The following POGLUT3 variants were observed in gnomAD, a reference collection of about 807,000 sequenced individuals.
The protein encoded by POGLUT3 is KDEL (Lys-Asp-Glu-Leu) containing 2.
In POGLUT3, 48 loss-of-function variants were observed where a neutral mutation model predicts 54.3. The observed-to-expected ratio is 0.88, with a 90% CI of 0.70 to 1.12. The LOEUF (loss-of-function observed/expected upper bound fraction) is 1.12. Ranked by LOEUF, POGLUT3 falls within the 50% of genes most tolerant of loss-of-function variation. POGLUT3 has a pLI of 0.00. For missense variants in POGLUT3, 629 were observed against 618.7 expected (o/e 1.02, Z -0.18); for synonymous variants, 218 against 237.4 (o/e 0.92, Z 0.75).
chr11:108,484,703 C>T (rs936938124), intron 3 of POGLUT3, among the ~76,000 whole-genome samples: 6 of 152,140 alleles, frequency 3.9e-5, no homozygotes, highest in African/African-American at 9.7e-5. Context: ...TTGCAGTGAG[C>T]CGAGATCGTG....
intron 4 of POGLUT3, 122 bp from the exon 5 acceptor site, chr11:108,481,498 T>C: frequency 1.4e-6 from 1 of 738,210 alleles, no homozygotes; most frequent in Non-Finnish European, 2.0e-6. Flanking sequence ...TCAACTCATC[T>C]TCTAAAGTAG....
At chr11:108,487,375 T>C (rs1208933464) in intron 2 of POGLUT3, among the ~76,000 whole-genome samples, 1 of 152,182 alleles carries the variant, frequency 6.6e-6, no homozygotes, top group Non-Finnish European at 1.5e-5. Context: ...GGTTGTGTCA[T>C]GGGCCATTGG....
chr11:108,482,234 T>C lies in POGLUT3; in HGVS notation c.685-12A>G, dbSNP rs748804843. The C allele has an allele frequency of 2.0e-5, 32 of 1,585,122 alleles. No individual in the cohort carries two copies. The East Asian group carries it at 6.3e-4, about 31-fold the overall frequency. ...TCTGGGAGAAGGACCTAAATAAACA[T>C]ATAAACAAACATCAGTGCTGGGAAG... On this transcript the variant is annotated splice_polypyrimidine_tract_variant and intron_variant, in intron 3 of 7. Coordinates refer to ENST00000323468, the MANE Select transcript of POGLUT3 (RefSeq NM_153705.5).
intron 5 of POGLUT3, 47 bp downstream of exon 5, chr11:108,481,133 T>C (rs1591640531): frequency 6.9e-7 from 1 of 1,458,982 alleles, no homozygotes. Flanking sequence ...AGACTTTTAA[T>C]ACAATTTTAT....
Position 108,498,261 on chromosome 11 carries a change from C to T in POGLUT3, c.106G>A (p.Gly36Arg). ...LVSAPRSLVW[G>R]PGLQAAVVLP... ...ACGACGGCCGCCTGCAGCCCGGGCC[C>T]CCACACCAGGCTCCGCGGCGCGCTG... Residue 36 changes from glycine to arginine, a missense_variant, in exon 1 of 8, where the codon GGG becomes AGG. Transcript: ENST00000323468. 5 of 1,500,000 alleles carry T rather than the reference C, an allele frequency of 3.3e-6. No homozygotes were observed. The highest frequency in any genetic ancestry group is 4.4e-6 in the Non-Finnish European group (5 of 1,125,108). 92.9% of individuals were successfully genotyped at this position (1,500,000 alleles called of 1,614,324 possible). A position where few individuals can be genotyped will look rare whatever the true frequency, so the allele number is the denominator to read the frequency against.
intron 3 of POGLUT3, among the ~76,000 whole-genome samples, chr11:108,484,440 T>C (rs1437871294): frequency 6.6e-6 from 1 of 152,100 alleles, no homozygotes; most frequent in Non-Finnish European, 1.5e-5. Flanking sequence ...GGGAATTGTA[T>C]AACATATCAG....
intron 4 of POGLUT3, among the ~76,000 whole-genome samples, chr11:108,481,657 G>A (rs963711420): frequency 2.6e-5 from 4 of 152,144 alleles, no homozygotes; most frequent in African/African-American, 4.8e-5. Context: ...GAAAGCTCAC[G>A]CAAGTATTCG....
chr11:108,498,342 G>T lies in POGLUT3; in HGVS notation c.25C>A (p.Leu9Met), dbSNP rs769566492. The T allele has an allele frequency of 2.2e-6, 3 of 1,349,218 alleles. No homozygotes were observed. Among genetic ancestry groups the T allele is most frequent in the Non-Finnish European group, 2.8e-6 (3 of 1,053,142 alleles). The allele number at this position is 1,349,218 out of a possible 1,614,324, so 83.6% of individuals were successfully genotyped here. Reference protein sequence around the residue: MRRLPRALLLQLRLALLVA... With the variant: MRRLPRALMLQLRLALLVA... ...AGCAGGGCGAGGCGCAGCTGCAGCAGCAGGGCCCGCGGGAGGCGGCGCATG... is the reference window on the plus strand; with the variant it reads ...AGCAGGGCGAGGCGCAGCTGCAGCATCAGGGCCCGCGGGAGGCGGCGCATG... The change falls in exon 1 of 8, where the codon CTG (leucine) becomes ATG (methionine). Residue 9 changes from leucine (L) to methionine (M), a missense_variant. Physicochemically the swap from Leu to Met is conservative, Grantham distance 15. Coordinates refer to ENST00000323468, the MANE Select transcript of POGLUT3 (RefSeq NM_153705.5).
chr11:108,496,682 C>T (rs1040836155), intron 1 of POGLUT3, among the ~76,000 whole-genome samples: 10 of 152,184 alleles, frequency 6.6e-5, no homozygotes, highest in Admixed American at 2.6e-4. Context: ...CAAAGCAATG[C>T]CCAAAGACAA....
chr11:108,477,946 C>T lies in POGLUT3; in HGVS notation c.1294-235G>A, dbSNP rs2093585233. On this transcript the variant is annotated intron_variant, in intron 6 of 7. Coordinates refer to ENST00000323468, the MANE Select transcript of POGLUT3 (RefSeq NM_153705.5). ...AGAAGATCACTTAAGGTCAAGAGTT[C>T]GAGATCAGTCTGGCCAACATGGTGA... 1.2e-5 allele frequency: 6 copies of T among 491,806 alleles called. No individual in the cohort carries two copies. The East Asian group carries it at 1.6e-4, about 13-fold the overall frequency. 30.5% of individuals were successfully genotyped at this position (491,806 alleles called of 1,614,324 possible). A position where few individuals can be genotyped will look rare whatever the true frequency, so the allele number is the denominator to read the frequency against.
chr11:108,487,068 G>A (rs2093604880), intron 2 of POGLUT3: 1 of 152,208 alleles, frequency 6.6e-6, no homozygotes, highest in African/African-American at 2.4e-5. Flanking sequence ...TAAAATCTTG[G>A]TTTCCACAAA....
At chr11:108,476,386 A>G (rs1201502964) in intron 7 of POGLUT3, among the ~76,000 whole-genome samples, 1 of 151,046 alleles carries the variant, frequency 6.6e-6, no homozygotes, top group Admixed American at 6.6e-5. Flanking sequence ...ACCCTCCTCG[A>G]CCTCCCAAAG....
intron 2 of POGLUT3, among the ~76,000 whole-genome samples, chr11:108,487,750 T>G (rs1337071951): frequency 6.6e-6 from 1 of 151,726 alleles, no homozygotes; most frequent in Non-Finnish European, 1.5e-5. Context: ...TAACTGGGAT[T>G]ACAGGTGTGC....
At position 108,475,975 on chromosome 11, in the gene POGLUT3, T is replaced by C. The variant is rs2093580941; in HGVS notation, c.1399-1023A>G. ...ACCAGGGAAACACGGCAAGAGCTTGTTTCTAAAAAAAATAAATAAATTAGC... is the reference window on the plus strand; with the variant it reads ...ACCAGGGAAACACGGCAAGAGCTTGCTTCTAAAAAAAATAAATAAATTAGC... On this transcript the variant is annotated intron_variant, in intron 7 of 7. Transcript: ENST00000323468. 3.3e-5 allele frequency among the ~76,000 whole-genome samples: 5 copies of C among 152,100 alleles called. No individual in the cohort carries two copies. In the South Asian group the frequency reaches 1.0e-3, roughly 32 times the overall value.
chr11:108,491,879 A>G (rs953424588), intron 1 of POGLUT3, among the ~76,000 whole-genome samples: 1 of 152,242 alleles, frequency 6.6e-6, no homozygotes, highest in African/African-American at 2.4e-5. Context: ...GACTCTAAGC[A>G]TGACAGATCT....
chr11:108,496,266 G>C (rs559735155), intron 1 of POGLUT3, among the ~76,000 whole-genome samples: 216 of 151,710 alleles, frequency 1.4e-3, no homozygotes, highest in Non-Finnish European at 2.4e-3. Context: ...GGCTGCAGTA[G>C]CTATGACTGT....
chr11:108,472,868 C>A lies in POGLUT3; in HGVS notation c.*1959G>T, dbSNP rs980077842. The A allele has an allele frequency of 1.3e-5, 2 of 152,170 alleles. No homozygotes were observed. Among genetic ancestry groups the A allele is most frequent in the African/African-American group, 2.4e-5 (1 of 41,430 alleles). The allele number at this position is 152,170 out of a possible 1,614,324, so 9.4% of individuals were successfully genotyped here. ...TAATACTTGCGTGCTTGTGGTTTTG[C>A]ACAATGGATGGGTATTAGAGTTTGC... On this transcript the variant is annotated 3_prime_UTR_variant, in exon 8 of 8. Coordinates refer to ENST00000323468, the MANE Select transcript of POGLUT3 (RefSeq NM_153705.5).
chr11:108,496,789 GCTCT>G (rs2093623046), intron 1 of POGLUT3, among the ~76,000 whole-genome samples: 1 of 152,192 alleles, frequency 6.6e-6, no homozygotes, highest in Admixed American at 6.5e-5. Flanking sequence ...TTCTCCAGTG[GCTCT>G]CTTTTATCTA....
In POGLUT3 at chr11:108,479,491, T is replaced by C; in HGVS notation, c.1103A>G (p.Lys368Arg). Residue 368 changes from lysine to arginine, a missense_variant, in exon 6 of 8, where the codon AAG becomes AGG. Lys to Arg is a conservative substitution (Grantham distance 26). Coordinates refer to ENST00000323468, the MANE Select transcript of POGLUT3 (RefSeq NM_153705.5). The stretch of plus-strand genomic sequence containing the variant: ...GGTCCCATCCACATTTACTTGATAC[T>C]TGTACTGGAAGATGAAAAACAAACA... ...LMGFFDFFKY[K>R]YQVNVDGTVA... 1.3e-6 allele frequency: 2 copies of C among 1,586,616 alleles called. No homozygotes were observed. The highest frequency in any genetic ancestry group is 1.7e-6 in the Non-Finnish European group (2 of 1,171,660).
Sources: gnomAD v4.1 joint callset for allele counts (sites outside exome capture counted in the v4.1 genomes callset) on GRCh38, gnomAD v4.1.1 for gene constraint, MANE v1.5 for transcripts, NCBI Gene and HGNC (gene_info 2026-07-23, HGNC 2026-07-21) for gene names.